MTCL1: variants seen among roughly 807,000 people sequenced by gnomAD.
MTCL1 encodes the protein microtubule cross-linking factor 1.
Under a neutral mutation model 141.4 loss-of-function variants are expected in MTCL1, and 79 were observed. The observed-to-expected ratio is 0.56, with a 90% confidence interval of 0.47 to 0.67. The LOEUF (loss-of-function observed/expected upper bound fraction) is 0.67, where lower values mean the gene tolerates loss of function less well. Ranked by LOEUF, MTCL1 falls within the 30% of genes least tolerant of loss-of-function variation. The probability of loss-of-function intolerance (pLI) is 0.00; values close to 1 mark genes in which losing one functional copy is unlikely to be tolerated. For synonymous variants in MTCL1, 914 were observed against 875.8 expected (o/e 1.04, Z -0.77); for missense variants, 2,177 against 2,113.9 (o/e 1.03, Z -0.59).
At chr18:8,720,220 G>A in intron 3 of MTCL1, 118 bp from the exon 3 acceptor site, 1 of 905,628 alleles carries the variant, frequency 1.1e-6, no homozygotes, top group Non-Finnish European at 1.7e-6. Context: ...TATTGCCAGG[G>A]TCTTTGCTAT....
intron 4 of MTCL1, among the ~76,000 whole-genome samples, chr18:8,752,550 C>T (rs181872213): frequency 2.6e-5 from 4 of 152,276 alleles, no homozygotes; most frequent in African/African-American, 9.6e-5. Context: ...GTGCAAATGT[C>T]TGCTGTCTTA....
exon 10 of MTCL1, chr18:8,798,167 C>T (rs774798595): frequency 6.3e-7 from 1 of 1,597,236 alleles, no homozygotes; most frequent in South Asian, 1.1e-5. Flanking sequence ...GCGGATGGCC[C>T]AGACCACGAC....
At chr18:8,826,070 T>A (rs2077015548) in exon 15 of MTCL1, 2 of 1,610,646 alleles carry the variant, frequency 1.2e-6, no homozygotes, top group South Asian at 1.1e-5. Flanking sequence ...ACTTATCTGC[T>A]CCCCCTGGCT....
At chr18:8,793,756 C>T (rs1272094675) in intron 8 of MTCL1, among the ~76,000 whole-genome samples, 1 of 152,216 alleles carries the variant, frequency 6.6e-6, no homozygotes, top group Non-Finnish European at 1.5e-5. Flanking sequence ...AGCTGCTCTT[C>T]CCCCGTGTAT....
chr18:8,796,185 G>A lies in MTCL1; in HGVS notation c.2011-47G>A, dbSNP rs374927162. On this transcript the variant is annotated intron_variant, in intron 8 of 16. Coordinates refer to ENST00000359865, the Ensembl canonical transcript of MTCL1. ...GGACTCTTGGTTTGGTTTGGGTGGCGGATTGGATTAGCTGCTTGTCACACT... is the reference window on the plus strand; with the variant it reads ...GGACTCTTGGTTTGGTTTGGGTGGCAGATTGGATTAGCTGCTTGTCACACT... The A allele has an allele frequency of 9.9e-4, 1,574 of 1,595,888 alleles. 23 individuals carry two copies. In the South Asian group the frequency reaches 0.015, roughly 15 times the overall value.
exon 4 of MTCL1, chr18:8,720,448 G>A: frequency 6.2e-7 from 1 of 1,614,038 alleles, no homozygotes; most frequent in African/African-American, 1.3e-5. Context: ...TGATTGAAGT[G>A]GAAATATCCA....
exon 6 of MTCL1, chr18:8,784,244 C>T (rs374013815): frequency 1.6e-5 from 26 of 1,607,244 alleles, no homozygotes; most frequent in East Asian, 6.7e-5. Flanking sequence ...CCTGGGGCTG[C>T]GTGCCCCCAG....
intron 10 of MTCL1, among the ~76,000 whole-genome samples, chr18:8,799,233 T>C (rs1037936861): frequency 6.6e-6 from 1 of 152,230 alleles, no homozygotes; most frequent in Non-Finnish European, 1.5e-5. Context: ...CCAGAGCCTC[T>C]GGGAGCTCTA....
intron 11 of MTCL1, among the ~76,000 whole-genome samples, chr18:8,807,288 C>G (rs1045983696): frequency 6.6e-6 from 1 of 152,180 alleles, no homozygotes; most frequent in African/African-American, 2.4e-5. Flanking sequence ...ATTTTCAGAG[C>G]AGCATGTATT....
chr18:8,791,547 G>T (rs915266412), intron 7 of MTCL1, among the ~76,000 whole-genome samples: 3 of 151,682 alleles, frequency 2.0e-5, no homozygotes, highest in African/African-American at 7.3e-5. Flanking sequence ...CCCTAAGACT[G>T]CAGGTAATAG....
intron 4 of MTCL1, among the ~76,000 whole-genome samples, chr18:8,728,747 T>A (rs1342636468): frequency 1.0e-5 from 1 of 97,920 alleles, no homozygotes; most frequent in Non-Finnish European, 2.0e-5. Context: ...TTTTTTTTTT[T>A]TGAGACGGAG....
At chr18:8,773,678 A>G (rs2096493741) in intron 4 of MTCL1, among the ~76,000 whole-genome samples, 1 of 152,168 alleles carries the variant, frequency 6.6e-6, no homozygotes, top group African/African-American at 2.4e-5. Context: ...TTTTGCATCT[A>G]AAATTTTAAT....
chr18:8,800,506 A>T (rs1024537012), intron 10 of MTCL1: 6 of 152,332 alleles, frequency 3.9e-5, no homozygotes, highest in African/African-American at 1.2e-4. Context: ...GTTGGCAAAC[A>T]TTTGGCTCCG....
chr18:8,713,434 C>A (rs1466791192), upstream of MTCL1, among the ~76,000 whole-genome samples: 1 of 152,262 alleles, frequency 6.6e-6, no homozygotes, highest in Middle Eastern at 3.4e-3. Flanking sequence ...ATGCTCTGCT[C>A]GATTTGGTTT....
rs765182455 is a variant in MTCL1, at chr18:8,784,808, G to A, written c.1696G>A (p.Gly566Arg). 1.6e-5 allele frequency: 25 copies of A among 1,605,652 alleles called. No homozygotes were observed. The highest frequency in any genetic ancestry group is 2.7e-5 in the African/African-American group (2 of 74,780). ...TTCCGTGTCCCGGGACTCCCCCATC[G>A]GGAACCTGGGGAAGGAGCTGGGCCC... is the stretch of plus-strand genomic sequence containing the variant. The change falls in exon 6 of 17, where the codon GGG (glycine) becomes AGG (arginine). Residue 566 changes from glycine to arginine, a missense_variant. Physicochemically the swap from Gly to Arg is moderately radical, Grantham distance 125. Transcript: ENST00000359865.
At position 8,769,061 on chromosome 18, in the gene MTCL1, C is replaced by T. The variant is rs527855378; in HGVS notation, c.358-8772C>T. The stretch of plus-strand genomic sequence containing the variant: ...CCACCCGCCTTGGCCTCCCAAAGTG[C>T]GGGGAATACAGGCATGAGCCAGCGC... On this transcript the variant is annotated intron_variant, in intron 4 of 16. Transcript: ENST00000359865. 1.6e-3 allele frequency among the ~76,000 whole-genome samples: 237 copies of T among 152,234 alleles called. 1 individual carries two copies. The highest frequency in any genetic ancestry group is 3.4e-3 in the Middle Eastern group (1 of 294).
At chr18:8,725,932 G>A (rs1388296802) in intron 4 of MTCL1, among the ~76,000 whole-genome samples, 1 of 151,640 alleles carries the variant, frequency 6.6e-6, no homozygotes, top group Non-Finnish European at 1.5e-5. Context: ...TGGGACTACA[G>A]GCACCCGCCA....
At chr18:8,768,789 C>CA (rs2096471347) in intron 4 of MTCL1, among the ~76,000 whole-genome samples, 2 of 117,898 alleles carry the variant, frequency 1.7e-5, no homozygotes, top group Non-Finnish European at 3.3e-5. Context: ...CTTTTCTTCT[C>CA]TTTTTTTTTT....
chr18:8,813,354 C>G (rs2144246875), intron 12 of MTCL1, 121 bp downstream of exon 11: 1 of 1,191,120 alleles, frequency 8.4e-7, no homozygotes, highest in Non-Finnish European at 1.2e-6. Flanking sequence ...CATGGGCTTC[C>G]AAAGGAAGAG....
Sources: allele counts gnomAD v4.1 joint callset (sites outside exome capture counted in the v4.1 genomes callset), GRCh38; gene constraint gnomAD v4.1.1; transcripts MANE v1.5; gene names NCBI Gene and HGNC (gene_info 2026-07-23, HGNC 2026-07-21).